ITSN1: variants seen among roughly 807,000 people sequenced by gnomAD.
ITSN1 encodes the protein intersectin-1.
A neutral mutation model predicts 239.8 loss-of-function variants in ITSN1; 58 were observed. The observed-to-expected ratio is 0.24, with a 90% CI of 0.20 to 0.30. The LOEUF (loss-of-function observed/expected upper bound fraction) is 0.30. Ranked by LOEUF, ITSN1 falls within the 10% of genes least tolerant of loss-of-function variation. ITSN1 has a pLI of 1.00. For missense variants in ITSN1, 1,558 were observed against 2,103.3 expected (o/e 0.74, Z 5.07); for synonymous variants, 780 against 770.8 (o/e 1.01, Z -0.20).
At chr21:33,801,554 C>A (rs1470970169) in intron 19 of ITSN1, among the ~76,000 whole-genome samples, 1 of 152,146 alleles carries the variant, frequency 6.6e-6, no homozygotes, top group Non-Finnish European at 1.5e-5. Context: ...TTTCCACCTC[C>A]CAGGCTCAAG....
rs190030060 is a variant in ITSN1 at position 33,738,639 on chromosome 21, A to G, written c.346+3435A>G. Among the ~76,000 whole-genome samples the G allele has an allele frequency of 8.8e-4, 134 of 151,676 alleles. 1 individual carries two copies. The highest frequency in any genetic ancestry group is 3.0e-3 in the African/African-American group (123 of 41,376). ...CTGGTCTTGAACTCCTGACCTTGTG[A>G]TCCACCCGCCTCGGCCTCCCAAACT... On this transcript the variant is annotated intron_variant, in intron 5 of 39. Transcript: ENST00000381318.
chr21:33,686,426 T>A (rs555045624), intron 1 of ITSN1, among the ~76,000 whole-genome samples: 3 of 152,194 alleles, frequency 2.0e-5, no homozygotes, highest in Non-Finnish European at 4.4e-5. Flanking sequence ...AAGTTTTTCA[T>A]AGCTGGAATG....
chr21:33,675,040 T>G (rs1233765352), intron 1 of ITSN1, among the ~76,000 whole-genome samples: 1 of 152,242 alleles, frequency 6.6e-6, no homozygotes, highest in Non-Finnish European at 1.5e-5. Context: ...ATTTGGTATC[T>G]CTTCATGTGA....
rs577008430 is a variant in ITSN1, at chr21:33,726,289, C to A, written c.185+3638C>A. 2.0e-5 allele frequency among the ~76,000 whole-genome samples: 3 copies of A among 152,212 alleles called. No individual in the cohort carries two copies. In the South Asian group the frequency reaches 6.2e-4, roughly 32 times the overall value. On this transcript the variant is annotated intron_variant, in intron 4 of 39. Transcript: ENST00000381318. ...AATTACAGGCATGACCCACTGCAGC[C>A]GGCCAAGCCTAGGTTTTTAAAATTG...
chr21:33,669,583 G>T (rs2146356264), intron 1 of ITSN1, among the ~76,000 whole-genome samples: 1 of 152,130 alleles, frequency 6.6e-6, no homozygotes, highest in African/African-American at 2.4e-5. Flanking sequence ...GGAATTACAG[G>T]CATGCGCCAC....
At chr21:33,760,993 G>A (rs138790264) in intron 8 of ITSN1, among the ~76,000 whole-genome samples, 1 of 151,852 alleles carries the variant, frequency 6.6e-6, no homozygotes, top group African/African-American at 2.4e-5. Context: ...TTTAAGAAAT[G>A]AGAGCTTATT....
intron 20 of ITSN1, among the ~76,000 whole-genome samples, chr21:33,804,491 C>A (rs2072252725): frequency 6.6e-6 from 1 of 152,114 alleles, no homozygotes; most frequent in Non-Finnish European, 1.5e-5. Flanking sequence ...ACTAACTCTG[C>A]TAGGAATTTA....
Position 33,823,584 on chromosome 21 carries a change from G to T in ITSN1, c.3114G>T (p.Trp1038Cys). Residue 1038 changes from tryptophan (W) to cysteine (C), a missense_variant, in exon 25 of 40, where the codon TGG (tryptophan) becomes TGT (cysteine). Transcript: ENST00000381318. ...TGGTTACCAAGAAAGATGGTGACTG[G>T]TGGACAGGAACAGTGGGCGACAAGG... is the stretch of plus-strand genomic sequence containing the variant. ...VILVTKKDGD[W>C]WTGTVGDKAG... is the part of the protein sequence containing the mutation. The T allele has an allele frequency of 6.2e-7, 1 of 1,614,190 alleles. No homozygotes were observed. Among genetic ancestry groups the T allele is most frequent in the Non-Finnish European group, 8.5e-7 (1 of 1,180,020 alleles).
chr21:33,852,318 G>A lies in ITSN1; in HGVS notation c.3662-4418G>A, dbSNP rs866714311. ...GCAACTTGCTGTGGGGGCTGGCTTC[G>A]TTTTCAAAATTCTGCTTCTCATTGG... On this transcript the variant is annotated intron_variant, in intron 29 of 39. Coordinates refer to ENST00000381318, the MANE Select transcript of ITSN1 (RefSeq NM_003024.3). 6.6e-5 allele frequency among the ~76,000 whole-genome samples: 10 copies of A among 152,254 alleles called. 1 individual carries two copies. The Middle Eastern group carries it at 0.014, about 207-fold the overall frequency.
intron 1 of ITSN1, among the ~76,000 whole-genome samples, chr21:33,696,060 C>A (rs1401560699): frequency 1.3e-5 from 2 of 152,166 alleles, no homozygotes; most frequent in Non-Finnish European, 2.9e-5. Context: ...AGTGATAAAT[C>A]TTGTGCATAG....
In ITSN1 at chr21:33,705,803, C is replaced by G. The variant is rs928417362; in HGVS notation, c.-32-12994C>G. Among the ~76,000 whole-genome samples the G allele has an allele frequency of 2.6e-5, 4 of 152,134 alleles. No individual in the cohort carries two copies. The South Asian group carries it at 8.3e-4, about 32-fold the overall frequency. ...CCTTAATAAAATATTCAGTCAAATG[C>G]TCTTCCTTTAGAAATGGAGGTACTG... is the stretch of plus-strand genomic sequence containing the variant. On this transcript the variant is annotated intron_variant, in intron 1 of 39. Coordinates refer to ENST00000381318, the MANE Select transcript of ITSN1 (RefSeq NM_003024.3).
At chr21:33,863,009 A>T (rs891214259) in intron 31 of ITSN1, among the ~76,000 whole-genome samples, 7 of 152,174 alleles carry the variant, frequency 4.6e-5, no homozygotes, top group African/African-American at 1.7e-4. Context: ...TCTCATCTGT[A>T]AACCTTTCTA....
At chr21:33,785,604 A>G in intron 16 of ITSN1, among the ~76,000 whole-genome samples, 1 of 152,222 alleles carries the variant, frequency 6.6e-6, no homozygotes, top group East Asian at 1.9e-4. Flanking sequence ...ATAAGCAAAG[A>G]TAGAAATTCT....
chr21:33,777,210 C>T (rs574784691), intron 14 of ITSN1, among the ~76,000 whole-genome samples: 1 of 152,112 alleles, frequency 6.6e-6, no homozygotes, highest in Non-Finnish European at 1.5e-5. Context: ...TGTTATAGCA[C>T]CATTTATTAA....
chr21:33,890,172 A>C lies in ITSN1; in HGVS notation c.*1872A>C, dbSNP rs376885209. 7 of 152,242 alleles carry C rather than the reference A, an allele frequency of 4.6e-5. No individual in the cohort carries two copies. The highest frequency in any genetic ancestry group is 1.0e-4 in the Non-Finnish European group (7 of 68,044). 9.4% of individuals were successfully genotyped at this position (152,242 alleles called of 1,614,324 possible). ...TTTTAAATTAAATCTATAAATAGACATGCAACTCATGCTTTCCTATTTCTA... is the reference window on the plus strand; with the variant it reads ...TTTTAAATTAAATCTATAAATAGACCTGCAACTCATGCTTTCCTATTTCTA... On this transcript the variant is annotated 3_prime_UTR_variant, in exon 40 of 40. Transcript: ENST00000381318.
chr21:33,753,761 TAAA>T (rs760085854), intron 7 of ITSN1, among the ~76,000 whole-genome samples: 1 of 81,764 alleles, frequency 1.2e-5, no homozygotes, highest in African/African-American at 5.7e-5. Flanking sequence ...GTCTCTTTCT[TAAA>T]AAAAAAAAAA....
chr21:33,697,234 A>ATTTTTTTTTTTTT (rs11419453), intron 1 of ITSN1, among the ~76,000 whole-genome samples: 2 of 121,682 alleles, frequency 1.6e-5, no homozygotes, highest in African/African-American at 3.1e-5. Flanking sequence ...CACCTGGCTA[A>ATTTTTTTTTTTTT]TTTTTTTTTT....
rs1327477647 is a variant in ITSN1, at chr21:33,882,209, A to G, written c.4342-34A>G. ...TGCTTTCAGATGCGGAGAAACAAAA[A>G]TGCTACACTTTGGGTTTTGTTTTCC... is the stretch of plus-strand genomic sequence containing the variant. On this transcript the variant is annotated intron_variant, in intron 34 of 39. Coordinates refer to ENST00000381318, the MANE Select transcript of ITSN1 (RefSeq NM_003024.3). The surrounding 1 kb of genome is among the most constrained non-coding windows in gnomAD (Gnocchi z 4.5). The G allele has an allele frequency of 6.3e-7, 1 of 1,594,566 alleles. No individual in the cohort carries two copies. Among genetic ancestry groups the G allele is most frequent in the Non-Finnish European group, 8.6e-7 (1 of 1,165,294 alleles).
chr21:33,772,185 G>A lies in ITSN1; in HGVS notation c.1167G>A (p.Ala389=), dbSNP rs148618330. 2.1e-5 allele frequency: 34 copies of A among 1,614,096 alleles called. 1 individual carries two copies. The East Asian group carries it at 2.2e-4, about 11-fold the overall frequency. The change falls in exon 12 of 40, where the codon GCG becomes GCA. Residue 389 remains alanine (A), a synonymous_variant. Coordinates refer to ENST00000381318, the MANE Select transcript of ITSN1 (RefSeq NM_003024.3). ...AGCGCCTGGCCCAGCTGGAGCGGGC[G>A]GAGCAGGAGAGGAAGGAGCGTGAGC... The part of the protein sequence containing the change: ...EQERLAQLER[A]EQERKERERQ...
Sources: allele counts gnomAD v4.1 joint callset (sites outside exome capture counted in the v4.1 genomes callset), GRCh38; gene constraint gnomAD v4.1.1; non-coding constraint Gnocchi (gnomAD v3.1); transcripts MANE v1.5; gene names NCBI Gene and HGNC (gene_info 2026-07-23, HGNC 2026-07-21).